The following CDC73 variants were observed in gnomAD, a reference collection of about 807,000 sequenced individuals.
The protein encoded by CDC73 is parafibromin.
In CDC73, 21 loss-of-function variants were observed where a neutral mutation model predicts 83.7. That is an observed-to-expected ratio of 0.25 (90% confidence interval 0.18 to 0.36). The LOEUF (loss-of-function observed/expected upper bound fraction) is 0.36, where lower values mean the gene tolerates loss of function less well. Ranked by LOEUF, CDC73 falls within the 10% of genes least tolerant of loss-of-function variation. The pLI is 1.00. For synonymous variants in CDC73, 224 were observed against 212.9 expected (o/e 1.05, Z -0.45); for missense variants, 342 against 653.3 (o/e 0.52, Z 5.19).
intron 11 of CDC73, among the ~76,000 whole-genome samples, chr1:193,204,247 A>ATGTGTGTGTG (rs1233894531): frequency 8.1e-6 from 1 of 123,058 alleles, no homozygotes; most frequent in African/African-American, 3.2e-5. Context: ...ACGTATATAT[A>ATGTGTGTGTG]TGTGTATGTG....
intron 13 of CDC73, among the ~76,000 whole-genome samples, chr1:193,221,704 CT>C (rs1677473101): frequency 6.6e-6 from 1 of 152,134 alleles, no homozygotes; most frequent in Non-Finnish European, 1.5e-5. Flanking sequence ...GTGTCATTCT[CT>C]TTAGTCTTGT....
At chr1:193,205,565 T>C (rs1308605702) in intron 11 of CDC73, among the ~76,000 whole-genome samples, 1 of 152,132 alleles carries the variant, frequency 6.6e-6, no homozygotes, top group Non-Finnish European at 1.5e-5. Flanking sequence ...TTTGAAATTT[T>C]TGTCATTGCT....
intron 13 of CDC73, among the ~76,000 whole-genome samples, chr1:193,217,556 G>A (rs1303712969): frequency 6.6e-6 from 1 of 152,066 alleles, no homozygotes; most frequent in Non-Finnish European, 1.5e-5. Context: ...ACCACCAAGA[G>A]CTTGCTTGCT....
chr1:193,213,199 T>A (rs574971279), intron 13 of CDC73, among the ~76,000 whole-genome samples: 3 of 152,162 alleles, frequency 2.0e-5, no homozygotes, highest in African/African-American at 7.2e-5. Context: ...GTATACTACT[T>A]CTTGGATTGG....
At chr1:193,156,900 A>G (rs183527438) in intron 10 of CDC73, among the ~76,000 whole-genome samples, 1 of 152,274 alleles carries the variant, frequency 6.6e-6, no homozygotes, top group East Asian at 1.9e-4. Flanking sequence ...TCAAAGATGA[A>G]CAAAACCAGA....
intron 3 of CDC73, among the ~76,000 whole-genome samples, chr1:193,131,160 T>A (rs1675686590): frequency 6.6e-6 from 1 of 152,180 alleles, no homozygotes; most frequent in Non-Finnish European, 1.5e-5. Context: ...AATAGGCATC[T>A]GAAATTTAAC....
intron 10 of CDC73, among the ~76,000 whole-genome samples, chr1:193,156,725 G>T (rs149672376): frequency 6.6e-6 from 1 of 152,206 alleles, no homozygotes; most frequent in Admixed American, 6.5e-5. Flanking sequence ...TGCTATAGTA[G>T]CAGTAATGTT....
intron 10 of CDC73, among the ~76,000 whole-genome samples, chr1:193,188,697 T>C (rs1449555303): frequency 6.6e-6 from 1 of 152,136 alleles, no homozygotes; most frequent in Admixed American, 6.5e-5. Context: ...ATTTTTTTAA[T>C]GTCTCCCTGG....
chr1:193,216,966 T>C (rs1384287079), intron 13 of CDC73, among the ~76,000 whole-genome samples: 1 of 152,116 alleles, frequency 6.6e-6, no homozygotes, highest in Non-Finnish European at 1.5e-5. Context: ...TCTATGACAG[T>C]CCTACAGCCA....
chr1:193,161,425 T>C (rs1022360647), intron 10 of CDC73, among the ~76,000 whole-genome samples: 2 of 150,598 alleles, frequency 1.3e-5, no homozygotes, highest in Middle Eastern at 3.5e-3. Flanking sequence ...CTCAGATAAC[T>C]CACTGTTGAA....
intron 15 of CDC73, among the ~76,000 whole-genome samples, chr1:193,239,539 A>G (rs760079547): frequency 1.4e-4 from 22 of 152,228 alleles, no homozygotes; most frequent in Admixed American, 3.3e-4. Flanking sequence ...TTAAGCTGAT[A>G]TCTGGATATA....
At chr1:193,240,593 C>T (rs1677840286) in intron 15 of CDC73, among the ~76,000 whole-genome samples, 1 of 152,142 alleles carries the variant, frequency 6.6e-6, no homozygotes, top group Non-Finnish European at 1.5e-5. Context: ...ATCTGCACTT[C>T]CCTGATGGTT....
intron 15 of CDC73, among the ~76,000 whole-genome samples, chr1:193,242,086 A>C (rs1677871947): frequency 7.1e-6 from 1 of 140,698 alleles, no homozygotes; most frequent in Non-Finnish European, 1.6e-5. Context: ...AGATATCATC[A>C]TTGTCTGCAG....
At chr1:193,164,512 A>T (rs1047902534) in intron 10 of CDC73, among the ~76,000 whole-genome samples, 2 of 152,172 alleles carry the variant, frequency 1.3e-5, no homozygotes, top group Non-Finnish European at 2.9e-5. Flanking sequence ...CTGGATTCTC[A>T]CCTCTAGCAC....
At chr1:193,242,459 C>G (rs1232391871) in intron 15 of CDC73, among the ~76,000 whole-genome samples, 1 of 152,182 alleles carries the variant, frequency 6.6e-6, no homozygotes, top group Non-Finnish European at 1.5e-5. Context: ...TTAGGTGTTT[C>G]TGCTCACTTT....
At chr1:193,191,447 G>T (rs976166909) in intron 10 of CDC73, among the ~76,000 whole-genome samples, 1 of 152,154 alleles carries the variant, frequency 6.6e-6, no homozygotes, top group African/African-American at 2.4e-5. Flanking sequence ...GAGTGCAGTG[G>T]CGTGATCTTG....
At chr1:193,246,977 G>A (rs1469780630) in intron 15 of CDC73, among the ~76,000 whole-genome samples, 6 of 152,080 alleles carry the variant, frequency 3.9e-5, no homozygotes, top group African/African-American at 1.2e-4. Flanking sequence ...TTCTGTGCTC[G>A]CTTAATTCGT....
chr1:193,161,382 G>C (rs1274302429), intron 10 of CDC73, among the ~76,000 whole-genome samples: 1 of 150,602 alleles, frequency 6.6e-6, no homozygotes, highest in Non-Finnish European at 1.5e-5. Flanking sequence ...TCTTACTTTT[G>C]TTTTAATTAG....
At chr1:193,190,266 A>G (rs146311051) in intron 10 of CDC73, among the ~76,000 whole-genome samples, 1 of 152,284 alleles carries the variant, frequency 6.6e-6, no homozygotes, top group African/African-American at 2.4e-5. Flanking sequence ...TGACTAGACA[A>G]TTTTGCATGA....
Sources: gnomAD v4.1 joint callset for allele counts (sites outside exome capture counted in the v4.1 genomes callset) on GRCh38, gnomAD v4.1.1 for gene constraint, MANE v1.5 for transcripts, NCBI Gene and HGNC (gene_info 2026-07-23, HGNC 2026-07-21) for gene names.